NPAS3: variants seen among roughly 807,000 people sequenced by gnomAD.
NPAS3 encodes neuronal PAS domain protein 3, also known as neuronal PAS domain-containing protein 3.
A neutral mutation model predicts 73.1 loss-of-function variants in NPAS3; 14 were observed. The ratio of observed to expected loss-of-function variants is 0.19; its 90% CI spans 0.13 to 0.30. NPAS3 has a LOEUF of 0.30. Ranked by LOEUF, NPAS3 falls within the 10% of genes least tolerant of loss-of-function variation. The pLI is 1.00. For synonymous variants in NPAS3, 620 were observed against 541.5 expected, an observed-to-expected ratio of 1.14 and a Z score of -2.01; for missense variants, 1,096 against 1,250.0, an observed-to-expected ratio of 0.88 and a Z score of 1.86.
At chr14:33,371,691 T>C (rs2046095979) in intron 4 of NPAS3, among the ~76,000 whole-genome samples, 1 of 152,138 alleles carries the variant, frequency 6.6e-6, no homozygotes, top group South Asian at 2.1e-4. Flanking sequence ...AACGTGTCTA[T>C]GTGTGTGTGT....
intron 1 of NPAS3, among the ~76,000 whole-genome samples, chr14:32,982,744 C>G (rs2037947687): frequency 6.6e-6 from 1 of 152,134 alleles, no homozygotes; most frequent in Admixed American, 6.5e-5. Flanking sequence ...AGTCAATAGG[C>G]ATTTTATTGC....
intron 1 of NPAS3, among the ~76,000 whole-genome samples, chr14:32,953,451 G>T (rs1299058711): frequency 6.6e-6 from 1 of 152,162 alleles, no homozygotes; most frequent in African/African-American, 2.4e-5. Flanking sequence ...GGCGTCTTCT[G>T]TCCTGTGGTC....
intron 2 of NPAS3, among the ~76,000 whole-genome samples, chr14:33,142,191 C>CTTTTTTTTTTTTTTTTTTTTTTTTTAAT (rs10709910): frequency 5.3e-5 from 2 of 38,084 alleles, no homozygotes; most frequent in East Asian, 1.2e-3. Flanking sequence ...TTTGTATAAG[C>CTTTTTTTTTTTTTTTTTTTTTTTTTAAT]TTTTTTTTTT....
chr14:33,374,601 C>G (rs2046237497), intron 4 of NPAS3, among the ~76,000 whole-genome samples: 1 of 151,646 alleles, frequency 6.6e-6, no homozygotes, highest in South Asian at 2.1e-4. Context: ...GTCTCTGAGA[C>G]CCAGCCAATT....
intron 1 of NPAS3, among the ~76,000 whole-genome samples, chr14:33,025,768 G>A (rs1475761529): frequency 1.3e-5 from 2 of 152,118 alleles, no homozygotes; most frequent in Non-Finnish European, 1.5e-5. Flanking sequence ...ATGAAGAAGT[G>A]CTTGCTTCCC....
At chr14:33,184,708 A>G (rs1272958509) in intron 2 of NPAS3, among the ~76,000 whole-genome samples, 1 of 152,170 alleles carries the variant, frequency 6.6e-6, no homozygotes, top group East Asian at 1.9e-4. Flanking sequence ...AGAACCTGTA[A>G]GTAACTGGAT....
At chr14:33,759,332 A>G (rs945358182) in intron 7 of NPAS3, among the ~76,000 whole-genome samples, 8 of 152,168 alleles carry the variant, frequency 5.3e-5, no homozygotes, top group African/African-American at 1.4e-4. Flanking sequence ...AAGTGGACCA[A>G]TGTTCTCTAA....
chr14:33,161,176 C>T (rs915775091), intron 2 of NPAS3, among the ~76,000 whole-genome samples: 7 of 152,242 alleles, frequency 4.6e-5, no homozygotes, highest in Non-Finnish European at 7.4e-5. Context: ...AAGGCATCTA[C>T]CCAGATTAAT....
intron 2 of NPAS3, among the ~76,000 whole-genome samples, chr14:33,111,336 T>A (rs1313861265): frequency 6.6e-6 from 1 of 152,134 alleles, no homozygotes; most frequent in African/African-American, 2.4e-5. Flanking sequence ...CGTAGAACGG[T>A]GATTTTGAGG....
chr14:33,227,189 T>G (rs1232643084), intron 3 of NPAS3, among the ~76,000 whole-genome samples: 2 of 152,142 alleles, frequency 1.3e-5, no homozygotes. Context: ...TGACCTAAAG[T>G]GCTTTTCATT....
chr14:33,177,071 T>TTTATTATTATTATTATTA lies in NPAS3; in HGVS notation c.141-38088_141-38071dup, dbSNP rs58286290. On this transcript the variant is annotated intron_variant, in intron 2 of 11. Transcript: ENST00000356141. ...ATTTTTTAATTAGGCTGTTTATCTTTTTATTATTATTATTATTATTATTAT... is the reference window on the plus strand; with the variant it reads ...ATTTTTTAATTAGGCTGTTTATCTTTTTATTATTATTATTATTATTATTATTATTATTATTATTATTAT... Among the ~76,000 whole-genome samples the TTTATTATTATTATTATTA allele has an allele frequency of 5.7e-4, 79 of 138,316 alleles. 1 individual carries two copies. The highest frequency in any genetic ancestry group is 3.6e-3 in the Middle Eastern group (1 of 278). 90.7% of individuals were successfully genotyped at this position (138,316 alleles called of 152,430 possible). A position where few individuals can be genotyped will look rare whatever the true frequency, so the allele number is the denominator to read the frequency against.
rs10658218 is a variant in NPAS3 at position 33,650,741 on chromosome 14, CCTCTCTCT to C, written c.559-25454_559-25447del. Among the ~76,000 whole-genome samples, 1,215 of 148,434 alleles carry C rather than the reference CCTCTCTCT, an allele frequency of 8.2e-3. 9 individuals carry two copies. The highest frequency in any genetic ancestry group is 0.015 in the Admixed American group (229 of 14,976). On this transcript the variant is annotated intron_variant, in intron 5 of 11. Coordinates refer to ENST00000356141, the Ensembl canonical transcript of NPAS3. ...GGCTCTAAGATGGAGAAAATCTTTTCCTCTCTCTCTCTCTCTCTCTCTCATTCTGTGCT... is the reference window on the plus strand; with the variant it reads ...GGCTCTAAGATGGAGAAAATCTTTTCCTCTCTCTCTCTCTCATTCTGTGCT...
chr14:33,167,737 CATA>C (rs962423641), intron 2 of NPAS3, among the ~76,000 whole-genome samples: 2 of 152,142 alleles, frequency 1.3e-5, no homozygotes, highest in Non-Finnish European at 2.9e-5. Flanking sequence ...CACCATGCCA[CATA>C]ATAATAAGAG....
At chr14:33,775,572 C>T (rs148517597) in intron 8 of NPAS3, among the ~76,000 whole-genome samples, 271 of 152,262 alleles carry the variant, frequency 1.8e-3, no homozygotes, top group African/African-American at 6.3e-3. Context: ...CATTTCTGAA[C>T]AGGACCTGAT....
chr14:33,692,418 A>AT (rs1197133789), intron 6 of NPAS3, among the ~76,000 whole-genome samples: 1 of 152,042 alleles, frequency 6.6e-6, no homozygotes, highest in Non-Finnish European at 1.5e-5. Flanking sequence ...GGTTTTTATT[A>AT]TTTTTTCTGT....
At chr14:33,438,639 C>T (rs144865708) in intron 4 of NPAS3, among the ~76,000 whole-genome samples, 164 of 152,220 alleles carry the variant, frequency 1.1e-3, no homozygotes, top group Non-Finnish European at 1.8e-3. Context: ...TTATTAGCAA[C>T]GATTCTACCA....
chr14:33,410,104 T>C (rs1028753947), intron 4 of NPAS3, among the ~76,000 whole-genome samples: 2 of 152,156 alleles, frequency 1.3e-5, no homozygotes, highest in African/African-American at 4.8e-5. Flanking sequence ...TCATTAATCC[T>C]TTGCTGGTCC....
At chr14:33,131,530 A>G (rs1025542890) in intron 2 of NPAS3, among the ~76,000 whole-genome samples, 1 of 152,144 alleles carries the variant, frequency 6.6e-6, no homozygotes, top group Non-Finnish European at 1.5e-5. Flanking sequence ...TAAGTAATAA[A>G]TGTTGGGGTT....
At chr14:33,676,381 G>A in exon 6 of NPAS3, 1 of 1,561,606 alleles carries the variant, frequency 6.4e-7, no homozygotes, top group Non-Finnish European at 8.6e-7. Context: ...AGACCCCCGA[G>A]CCAGGTGGGA....
Sources: allele counts gnomAD v4.1 joint callset (sites outside exome capture counted in the v4.1 genomes callset), GRCh38; gene constraint gnomAD v4.1.1; transcripts MANE v1.5; gene names NCBI Gene and HGNC (gene_info 2026-07-23, HGNC 2026-07-21).